PIK3C2G: variants seen among roughly 807,000 people sequenced by gnomAD.
The protein encoded by PIK3C2G is phosphatidylinositol-4-phosphate 3-kinase catalytic subunit type 2 gamma.
In PIK3C2G, 168 loss-of-function variants were observed where a neutral mutation model predicts 181.1. The observed-to-expected ratio is 0.93, with a 90% CI of 0.82 to 1.05. PIK3C2G has a LOEUF of 1.05. PIK3C2G is among the 50% of genes least tolerant of loss of function. PIK3C2G has a pLI of 0.00. For missense variants in PIK3C2G, 1,869 were observed against 1,732.8 expected (o/e 1.08, Z -1.40); for synonymous variants, 573 against 592.2 (o/e 0.97, Z 0.47).
At chr12:18,422,833 T>TA (rs1291261040) in intron 17 of PIK3C2G, among the ~76,000 whole-genome samples, 1 of 152,126 alleles carries the variant, frequency 6.6e-6, no homozygotes, top group Non-Finnish European at 1.5e-5. Context: ...AGGGCATAAA[T>TA]AAAACCCATG....
chr12:18,705,325 T>G, the PIK3C2G span: 1 of 1,613,992 alleles, frequency 6.2e-7, no homozygotes, highest in South Asian at 1.1e-5. Context: ...TCTAAAAAAG[T>G]AACCATTACT....
At chr12:18,679,666 C>G in the PIK3C2G span, among the ~76,000 whole-genome samples, 1 of 151,846 alleles carries the variant, frequency 6.6e-6, no homozygotes, top group East Asian at 1.9e-4. Context: ...ATATTAGGCA[C>G]ACATTAGGCC....
intron 26 of PIK3C2G, among the ~76,000 whole-genome samples, chr12:18,561,844 CGT>C (rs1326900551): frequency 6.6e-6 from 1 of 151,192 alleles, no homozygotes; most frequent in Non-Finnish European, 1.5e-5. Flanking sequence ...ATATAAAATA[CGT>C]GTCTGTTAAA....
chr12:18,500,691 C>G (rs207472699), intron 22 of PIK3C2G, among the ~76,000 whole-genome samples: 4 of 152,238 alleles, frequency 2.6e-5, no homozygotes, highest in Non-Finnish European at 5.9e-5. Context: ...ACAGACCACT[C>G]GGCTCTACCA....
chr12:18,451,570 T>C (rs1262804231), intron 18 of PIK3C2G, among the ~76,000 whole-genome samples: 1 of 152,198 alleles, frequency 6.6e-6, no homozygotes, highest in Non-Finnish European at 1.5e-5. Context: ...GTTTATTTCT[T>C]TCTCTTGCCT....
chr12:18,454,813 A>T (rs1947540570), intron 18 of PIK3C2G, among the ~76,000 whole-genome samples: 1 of 152,168 alleles, frequency 6.6e-6, no homozygotes, highest in South Asian at 2.1e-4. Flanking sequence ...AACTGACAGA[A>T]TTTACTGATG....
chr12:18,684,284 A>C, the PIK3C2G span: 1 of 1,597,596 alleles, frequency 6.3e-7, no homozygotes, highest in South Asian at 1.1e-5. Context: ...TAAAAGCTGA[A>C]ATATAAAAAA....
At chr12:18,707,551 A>G in the PIK3C2G span, among the ~76,000 whole-genome samples, 9 of 152,086 alleles carry the variant, frequency 5.9e-5, no homozygotes, top group African/African-American at 2.2e-4. Context: ...TCCTTACCAA[A>G]GGCTGTTTTA....
intron 5 of PIK3C2G, among the ~76,000 whole-genome samples, chr12:18,295,124 ATAAT>A (rs1178486556): frequency 6.7e-6 from 1 of 149,982 alleles, no homozygotes; most frequent in Non-Finnish European, 1.5e-5. Context: ...TTTATAATAA[ATAAT>A]TATACATAAA....
the PIK3C2G span, among the ~76,000 whole-genome samples, chr12:18,662,719 G>T: frequency 6.6e-6 from 1 of 152,060 alleles, no homozygotes; most frequent in African/African-American, 2.4e-5. Context: ...GAAAAATGAG[G>T]TCTAGTCTGT....
the PIK3C2G span, among the ~76,000 whole-genome samples, chr12:18,658,455 A>G: frequency 6.6e-6 from 1 of 152,172 alleles, no homozygotes; most frequent in East Asian, 1.9e-4. Context: ...GCAAGTCATT[A>G]TGCACAAGAA....
chr12:18,309,781 G>T (rs1175193981), intron 5 of PIK3C2G, among the ~76,000 whole-genome samples: 4 of 151,730 alleles, frequency 2.6e-5, no homozygotes, highest in Non-Finnish European at 5.9e-5. Context: ...TGTACACCCT[G>T]GAAGTGTCTC....
chr12:18,423,918 G>C (rs780775259), intron 17 of PIK3C2G, 27 bp from the exon 18 acceptor site: 1 of 1,440,556 alleles, frequency 6.9e-7, no homozygotes, highest in East Asian at 2.3e-5. Flanking sequence ...TTACTGAGAA[G>C]TAAAGTAATT....
At chr12:18,694,395 T>C in the PIK3C2G span, among the ~76,000 whole-genome samples, 4 of 152,264 alleles carry the variant, frequency 2.6e-5, no homozygotes, top group East Asian at 7.7e-4. Flanking sequence ...TAACAGACAC[T>C]GAAGACAGAT....
At chr12:18,684,383 T>TA in the PIK3C2G span, 2 of 1,089,218 alleles carry the variant, frequency 1.8e-6, no homozygotes, top group Non-Finnish European at 2.7e-6. Flanking sequence ...CCTTTAACAA[T>TA]AATATCTTGT....
chr12:18,375,789 G>T lies in PIK3C2G; in HGVS notation c.1880+4478G>T, dbSNP rs557513267. Among the ~76,000 whole-genome samples, 4 of 152,356 alleles carry T rather than the reference G, an allele frequency of 2.6e-5. No homozygotes were observed. In the East Asian group the frequency reaches 7.7e-4, roughly 29 times the overall value. The stretch of plus-strand genomic sequence containing the variant: ...GCCAGGCCCAGGGGCTTGCTGCCCT[G>T]TGCAGCATCAGGACACTGCTCCCCA... On this transcript the variant is annotated intron_variant, in intron 13 of 32. Coordinates refer to ENST00000538779, the MANE Select transcript of PIK3C2G (RefSeq NM_001288772.2).
intron 21 of PIK3C2G, among the ~76,000 whole-genome samples, chr12:18,496,926 C>G (rs947265299): frequency 6.6e-6 from 1 of 152,138 alleles, no homozygotes; most frequent in African/African-American, 2.4e-5. Context: ...AAAATCTTAT[C>G]TTGGCAGGAT....
Position 18,609,611 on chromosome 12 carries a change from G to C in PIK3C2G, c.4164G>C (p.Val1388=). 1 of 1,563,952 alleles carries C rather than the reference G, an allele frequency of 6.4e-7. No individual in the cohort carries two copies. Among genetic ancestry groups the C allele is most frequent in the Non-Finnish European group, 8.7e-7 (1 of 1,147,824 alleles). The change falls in exon 31 of 33, where the codon GTG becomes GTC. Residue 1388 remains valine, a synonymous_variant. Coordinates refer to ENST00000538779, the MANE Select transcript of PIK3C2G (RefSeq NM_001288772.2). ...SYEDVKLTIL[V]KHMKNIHLPD... is the part of the protein sequence containing the mutation. ...AGGATGTGAAGCTGACCATACTAGT[G>C]AAACACATGAAAAACATTGTAAGTT...
chr12:18,430,159 C>T lies in PIK3C2G; in HGVS notation c.2504+6120C>T, dbSNP rs1946073631. On this transcript the variant is annotated intron_variant, in intron 18 of 32. Coordinates refer to ENST00000538779, the MANE Select transcript of PIK3C2G (RefSeq NM_001288772.2). ...AGAACCTGACCTACAATAAGTATTT[C>T]TTATGGAAGATAAAAATTTAAATAT... 2.6e-5 allele frequency among the ~76,000 whole-genome samples: 4 copies of T among 152,122 alleles called. No homozygotes were observed. The South Asian group carries it at 8.3e-4, about 32-fold the overall frequency.
Sources: gnomAD v4.1 joint callset for allele counts (sites outside exome capture counted in the v4.1 genomes callset) on GRCh38, gnomAD v4.1.1 for gene constraint, MANE v1.5 for transcripts, NCBI Gene and HGNC (gene_info 2026-07-23, HGNC 2026-07-21) for gene names.